The following NRXN3 variants were observed in gnomAD, a reference collection of about 807,000 sequenced individuals.
The protein encoded by NRXN3 is neurexin 3.
Under a neutral mutation model 137.6 loss-of-function variants are expected in NRXN3, and 32 were observed. The ratio of observed to expected loss-of-function variants is 0.23; its 90% CI spans 0.18 to 0.31. NRXN3 has a LOEUF of 0.31. NRXN3 is among the 10% of genes least tolerant of loss of function. NRXN3 has a pLI of 1.00. For synonymous variants in NRXN3, 798 were observed against 784.5 expected, an observed-to-expected ratio of 1.02 and a Z score of -0.29; for missense variants, 1,574 against 2,062.5, an observed-to-expected ratio of 0.76 and a Z score of 4.59.
At chr14:79,271,405 TCCCTTTCTTTCCCTTC>T (rs2079284381) in intron 15 of NRXN3, among the ~76,000 whole-genome samples, 1 of 134,286 alleles carries the variant, frequency 7.4e-6, no homozygotes, top group Admixed American at 7.7e-5. Flanking sequence ...TCCTTCCCCT[TCCCTTTCTTTCCCTTC>T]CCCTTTCTTT....
chr14:79,711,016 T>G (rs1031230293), intron 19 of NRXN3, among the ~76,000 whole-genome samples: 2 of 152,188 alleles, frequency 1.3e-5, no homozygotes, highest in African/African-American at 4.8e-5. Context: ...GCCATCTATA[T>G]TTACAGAGGT....
At chr14:78,989,236 T>C (rs2099513571) in intron 15 of NRXN3, among the ~76,000 whole-genome samples, 1 of 152,232 alleles carries the variant, frequency 6.6e-6, no homozygotes. Context: ...CACATTATGG[T>C]GTGACCACAT....
At chr14:78,802,671 G>A (rs1165167185) in intron 8 of NRXN3, among the ~76,000 whole-genome samples, 10 of 152,176 alleles carry the variant, frequency 6.6e-5, no homozygotes, top group African/African-American at 1.2e-4. Context: ...TCAGCCAGGC[G>A]CAGTGGGCTC....
chr14:78,510,040 T>TTATATATA lies in NRXN3; in HGVS notation c.758-135068_758-135061dup, dbSNP rs57232548. Among the ~76,000 whole-genome samples the TTATATATA allele has an allele frequency of 5.5e-4, 79 of 144,494 alleles. 1 individual carries two copies. The highest frequency in any genetic ancestry group is 2.0e-3 in the African/African-American group (74 of 36,582). The allele number at this position is 144,494 out of a possible 152,430, so 94.8% of individuals were successfully genotyped here. A position where few individuals can be genotyped will look rare whatever the true frequency, so the allele number is the denominator to read the frequency against. On this transcript the variant is annotated intron_variant, in intron 4 of 20. Transcript: ENST00000335750. ...AAGGCAGCCAGAACATGACAAAATT[T>TTATATATA]TATATATATATATATATATTTTGGC...
chr14:78,614,550 T>TAA (rs530159214), intron 4 of NRXN3, among the ~76,000 whole-genome samples: 1 of 143,052 alleles, frequency 7.0e-6, no homozygotes, highest in Non-Finnish European at 1.5e-5. Context: ...ATTGTAGAAT[T>TAA]AAAAAAAAAA....
At chr14:79,005,599 G>C (rs1159211491) in intron 15 of NRXN3, among the ~76,000 whole-genome samples, 2 of 152,120 alleles carry the variant, frequency 1.3e-5, no homozygotes, top group African/African-American at 4.8e-5. Context: ...TTCCATTTAA[G>C]TCTGGGACTC....
intron 15 of NRXN3, among the ~76,000 whole-genome samples, chr14:79,048,893 C>G (rs1337396080): frequency 2.0e-5 from 3 of 147,446 alleles, no homozygotes; most frequent in East Asian, 2.0e-4. Context: ...CATGGTGGCG[C>G]GTGCCTGTAG....
chr14:79,823,566 AC>A (rs1489249237), intron 20 of NRXN3, among the ~76,000 whole-genome samples: 1 of 152,148 alleles, frequency 6.6e-6, no homozygotes, highest in Non-Finnish European at 1.5e-5. Flanking sequence ...ACAGAGCAAG[AC>A]CCTGTCTCAA....
chr14:78,522,993 G>T (rs2193668), intron 4 of NRXN3, among the ~76,000 whole-genome samples: 33,778 of 151,994 alleles, frequency 0.22, 4,107 homozygotes, highest in Middle Eastern at 0.31. Flanking sequence ...TTTATCTTGG[G>T]TCTATGTTAT....
chr14:79,434,139 T>A (rs746198465), intron 15 of NRXN3, among the ~76,000 whole-genome samples: 4 of 152,176 alleles, frequency 2.6e-5, no homozygotes, highest in Non-Finnish European at 4.4e-5. Flanking sequence ...CTGGCCAGAC[T>A]TTTAGATGAT....
chr14:78,568,166 C>T (rs1486629325), intron 4 of NRXN3, among the ~76,000 whole-genome samples: 2 of 152,148 alleles, frequency 1.3e-5, no homozygotes, highest in African/African-American at 4.8e-5. Context: ...CTGTGTCCCT[C>T]CCTCAGATTT....
At chr14:79,102,661 T>C (rs2051555567) in intron 15 of NRXN3, among the ~76,000 whole-genome samples, 1 of 152,142 alleles carries the variant, frequency 6.6e-6, no homozygotes, top group South Asian at 2.1e-4. Context: ...GAATAGTTTT[T>C]ATAAGGCAAA....
intron 19 of NRXN3, among the ~76,000 whole-genome samples, chr14:79,775,191 A>G (rs546322016): frequency 6.6e-6 from 1 of 152,278 alleles, no homozygotes; most frequent in South Asian, 2.1e-4. Context: ...TGGCTTTTAT[A>G]TACGAATGTG....
chr14:78,579,497 T>A (rs2096970166), intron 4 of NRXN3, among the ~76,000 whole-genome samples: 1 of 151,128 alleles, frequency 6.6e-6, no homozygotes, highest in African/African-American at 2.4e-5. Flanking sequence ...CAGGGTAGTC[T>A]CAAGGTGTGA....
chr14:79,750,005 A>T (rs2098992241), intron 19 of NRXN3, among the ~76,000 whole-genome samples: 1 of 152,158 alleles, frequency 6.6e-6, no homozygotes, highest in African/African-American at 2.4e-5. Flanking sequence ...TTGCTTTCAG[A>T]TAATTTTGAT....
intron 15 of NRXN3, among the ~76,000 whole-genome samples, chr14:79,379,611 T>G (rs1025234822): frequency 6.6e-6 from 1 of 152,136 alleles, no homozygotes; most frequent in African/African-American, 2.4e-5. Flanking sequence ...GGACTGTAGC[T>G]TTATGGTGGG....
chr14:78,507,971 A>G (rs1297090790), intron 4 of NRXN3, among the ~76,000 whole-genome samples: 1 of 152,194 alleles, frequency 6.6e-6, no homozygotes, highest in African/African-American at 2.4e-5. Flanking sequence ...TCACAGCAGT[A>G]TCTATAATTG....
At chr14:79,808,249 A>T (rs944496812) in intron 20 of NRXN3, among the ~76,000 whole-genome samples, 3 of 134,222 alleles carry the variant, frequency 2.2e-5, no homozygotes, top group African/African-American at 6.5e-5. Context: ...TTAAAAAAAA[A>T]AAAAAAATAT....
In NRXN3 at chr14:78,718,054, A is replaced by G. The variant is rs1253571039; in HGVS notation, c.2044+2915A>G. ...AAAATGTATTGGGTATTCTCTCTAT[A>G]CAGGAATGGAATACTTTTCGGATTA... On this transcript the variant is annotated intron_variant, in intron 8 of 20. Coordinates refer to ENST00000335750, the MANE Select transcript of NRXN3 (RefSeq NM_001330195.2). 5.3e-5 allele frequency among the ~76,000 whole-genome samples: 8 copies of G among 152,160 alleles called. No homozygotes were observed. The East Asian group carries it at 1.5e-3, about 29-fold the overall frequency.
Sources: allele counts gnomAD v4.1 joint callset (sites outside exome capture counted in the v4.1 genomes callset), GRCh38; gene constraint gnomAD v4.1.1; transcripts MANE v1.5; gene names NCBI Gene and HGNC (gene_info 2026-07-23, HGNC 2026-07-21).